The following GABRG3 variants were observed in gnomAD, a reference collection of about 807,000 sequenced individuals.
GABRG3 encodes the protein gamma-aminobutyric acid type A receptor subunit gamma3.
GABRG3 carries 25 observed loss-of-function variants against 48.8 expected under a neutral mutation model. The observed-to-expected ratio is 0.51, with a 90% CI of 0.37 to 0.72. The LOEUF (loss-of-function observed/expected upper bound fraction) is 0.72. GABRG3 is among the 30% of genes least tolerant of loss of function. The pLI is 0.00. For synonymous variants in GABRG3, 227 were observed against 217.6 expected (o/e 1.04, Z -0.38); for missense variants, 394 against 577.9 (o/e 0.68, Z 3.26).
Position 27,274,608 on chromosome 15 carries a change from C to T in GABRG3, c.271-52201C>T. Reference sequence around the variant, plus strand: ...GGCCCCACCTTTCCATACCACCACACTGGGGATCAAATTTCAACACGAGTT... The same window carrying T: ...GGCCCCACCTTTCCATACCACCACATTGGGGATCAAATTTCAACACGAGTT... On this transcript the variant is annotated intron_variant, in intron 3 of 9. Transcript: ENST00000615808. Among the ~76,000 whole-genome samples the T allele has an allele frequency of 1.3e-5, 2 of 152,168 alleles. 1 individual carries two copies. The highest frequency in any genetic ancestry group is 2.9e-5 in the Non-Finnish European group (2 of 68,032).
intron 5 of GABRG3, among the ~76,000 whole-genome samples, chr15:27,399,127 A>G (rs1452711954): frequency 2.6e-5 from 4 of 152,260 alleles, no homozygotes; most frequent in Non-Finnish European, 5.9e-5. Flanking sequence ...AAACAATGGC[A>G]TAGCCCCTCA....
chr15:27,054,095 TA>T (rs199758364), intron 3 of GABRG3, among the ~76,000 whole-genome samples: 1 of 151,478 alleles, frequency 6.6e-6, no homozygotes, highest in Non-Finnish European at 1.5e-5. Flanking sequence ...CCATCTCTAC[TA>T]AAAAAAATAG....
intron 3 of GABRG3, among the ~76,000 whole-genome samples, chr15:27,165,028 C>T (rs914459135): frequency 4.6e-5 from 7 of 152,138 alleles, no homozygotes; most frequent in African/African-American, 1.7e-4. Context: ...TAAATGTTGT[C>T]CAAGACATTT....
intron 2 of GABRG3, among the ~76,000 whole-genome samples, chr15:27,007,933 G>T (rs1895618182): frequency 6.6e-6 from 1 of 151,866 alleles, no homozygotes; most frequent in African/African-American, 2.4e-5. Context: ...GTCAATTTTT[G>T]CTTTTTTTGC....
chr15:27,265,881 G>GTTTTTTTTTTTTTTTTTTTT (rs147459440), intron 3 of GABRG3, among the ~76,000 whole-genome samples: 1 of 124,818 alleles, frequency 8.0e-6, no homozygotes, highest in Non-Finnish European at 1.6e-5. Context: ...ATTTTCTCCT[G>GTTTTTTTTTTTTTTTTTTTT]GTTTTTTTTT....
intron 3 of GABRG3, among the ~76,000 whole-genome samples, chr15:27,214,571 C>T (rs1272027372): frequency 6.6e-6 from 1 of 152,164 alleles, no homozygotes; most frequent in African/African-American, 2.4e-5. Flanking sequence ...ACATTTATTT[C>T]TATACATTTC....
intron 5 of GABRG3, among the ~76,000 whole-genome samples, chr15:27,376,088 GCTACAGACC>G (rs934601276): frequency 4.8e-4 from 73 of 152,316 alleles, no homozygotes; most frequent in African/African-American, 1.6e-3. Context: ...AAACAAAGGG[GCTACAGACC>G]CTATTCAAGT....
chr15:27,157,303 A>T (rs1485990693), intron 3 of GABRG3, among the ~76,000 whole-genome samples: 1 of 152,224 alleles, frequency 6.6e-6, no homozygotes. Flanking sequence ...TTTTATTCCC[A>T]TGTGATAGTT....
intron 6 of GABRG3, among the ~76,000 whole-genome samples, chr15:27,486,233 G>A (rs921144993): frequency 1.3e-5 from 2 of 152,130 alleles, no homozygotes; most frequent in Non-Finnish European, 2.9e-5. Flanking sequence ...GAAGAAGCCT[G>A]GGGCTCCAGA....
At chr15:27,339,535 C>T (rs1344093841) in intron 5 of GABRG3, among the ~76,000 whole-genome samples, 3 of 152,204 alleles carry the variant, frequency 2.0e-5, no homozygotes, top group Admixed American at 2.0e-4. Flanking sequence ...GACTTGCACA[C>T]CTTGTGGAAT....
chr15:27,406,582 C>T (rs1417273213), intron 5 of GABRG3, among the ~76,000 whole-genome samples: 5 of 152,154 alleles, frequency 3.3e-5, no homozygotes, highest in African/African-American at 1.2e-4. Context: ...GGATATTTAA[C>T]AGGATACCTG....
At chr15:27,291,017 T>C (rs1891777771) in intron 3 of GABRG3, among the ~76,000 whole-genome samples, 1 of 152,176 alleles carries the variant, frequency 6.6e-6, no homozygotes, top group South Asian at 2.1e-4. Context: ...TCATGGAAAA[T>C]GCATTTGGAG....
intron 6 of GABRG3, among the ~76,000 whole-genome samples, chr15:27,494,325 AAAT>A (rs1248237742): frequency 1.3e-5 from 2 of 152,100 alleles, no homozygotes; most frequent in Non-Finnish European, 2.9e-5. Flanking sequence ...GAGAGTTTTT[AAAT>A]AATATTTATG....
intron 3 of GABRG3, 88 bp from the exon 4 acceptor site, chr15:27,326,721 G>A (rs540437458): frequency 9.4e-7 from 1 of 1,061,580 alleles, no homozygotes; most frequent in Non-Finnish European, 1.4e-6. Context: ...TGTCAACATG[G>A]AGAGAACACA....
chr15:27,530,694 C>T (rs1255398867), intron 9 of GABRG3: 1 of 471,012 alleles, frequency 2.1e-6, no homozygotes, highest in Non-Finnish European at 4.4e-6. Context: ...TCAGCAGAGC[C>T]TTCTGCCTCC....
chr15:27,412,458 T>G (rs541538783), intron 5 of GABRG3, among the ~76,000 whole-genome samples: 1 of 152,356 alleles, frequency 6.6e-6, no homozygotes, highest in South Asian at 2.1e-4. Context: ...CGAATTGGCT[T>G]ACTTTCAGTC....
chr15:26,983,469 C>G (rs1169338973), intron 2 of GABRG3, among the ~76,000 whole-genome samples: 1 of 152,124 alleles, frequency 6.6e-6, no homozygotes, highest in African/African-American at 2.4e-5. Flanking sequence ...ATTTGAAACT[C>G]TTGAAAGTTG....
intron 5 of GABRG3, among the ~76,000 whole-genome samples, chr15:27,368,802 A>G (rs1190690243): frequency 1.3e-5 from 2 of 152,108 alleles, no homozygotes; most frequent in Non-Finnish European, 2.9e-5. Flanking sequence ...GGGAGGCTTT[A>G]TGGTAGAGAC....
intron 3 of GABRG3, among the ~76,000 whole-genome samples, chr15:27,055,470 A>G (rs1431525734): frequency 1.3e-5 from 2 of 152,230 alleles, no homozygotes; most frequent in African/African-American, 4.8e-5. Context: ...AGAAGGCTCC[A>G]AAATCCAAAG....
Sources: gnomAD v4.1 joint callset for allele counts (sites outside exome capture counted in the v4.1 genomes callset) on GRCh38, gnomAD v4.1.1 for gene constraint, MANE v1.5 for transcripts, NCBI Gene and HGNC (gene_info 2026-07-23, HGNC 2026-07-21) for gene names.